The following ELMO1 variants were observed in gnomAD, a reference collection of about 807,000 sequenced individuals.
ELMO1 encodes the protein engulfment and cell motility 1.
In ELMO1, 26 loss-of-function variants were observed where a neutral mutation model predicts 98.9. That is an observed-to-expected ratio of 0.26 (90% CI 0.19 to 0.36). The LOEUF (loss-of-function observed/expected upper bound fraction) is 0.36, where lower values mean the gene tolerates loss of function less well. Among genes scored for constraint, ELMO1 ranks in the 10% least tolerant of loss-of-function variants. The pLI is 1.00. For synonymous variants in ELMO1, 346 were observed against 346.0 expected, an observed-to-expected ratio of 1.00 and a Z score of 0.00; for missense variants, 627 against 935.2, an observed-to-expected ratio of 0.67 and a Z score of 4.30.
intron 15 of ELMO1, among the ~76,000 whole-genome samples, chr7:37,015,733 AG>A (rs1793892140): frequency 1.3e-5 from 2 of 152,250 alleles, no homozygotes; most frequent in Non-Finnish European, 2.9e-5. Flanking sequence ...ACCGATATGG[AG>A]GGAAGTGGTG....
chr7:36,997,600 C>T (rs993408555), intron 16 of ELMO1, among the ~76,000 whole-genome samples: 45 of 152,224 alleles, frequency 3.0e-4, no homozygotes, highest in Admixed American at 1.1e-3. Flanking sequence ...GCAGCAGGAA[C>T]GGAGCCATGA....
chr7:37,153,217 T>C (rs754347958), intron 13 of ELMO1, among the ~76,000 whole-genome samples: 14 of 152,286 alleles, frequency 9.2e-5, no homozygotes, highest in East Asian at 1.9e-4. Context: ...CCCAGTGATA[T>C]TGACGCAGCA....
chr7:37,124,500 CAGAG>C (rs1162710474), intron 14 of ELMO1, among the ~76,000 whole-genome samples: 1 of 152,238 alleles, frequency 6.6e-6, no homozygotes, highest in African/African-American at 2.4e-5. Context: ...AACAGACAAA[CAGAG>C]AGCTAAATCA....
chr7:36,855,610 C>T lies in ELMO1; in HGVS notation c.2125G>A (p.Ala709Thr), dbSNP rs918674508. ...LDLENIQIPD[A>T]PPPIPKEPSN... ...GGCTCCTTGGGAATCGGCGGAGGTGCGTCAGGGATCTGGATGTTTTCCAGG... is the reference window on the plus strand; with the variant it reads ...GGCTCCTTGGGAATCGGCGGAGGTGTGTCAGGGATCTGGATGTTTTCCAGG... Residue 709 changes from alanine to threonine, a missense_variant, in exon 22 of 22, where the codon GCA (alanine) becomes ACA (threonine). This residue lies in a region of ELMO1 where 492 missense variants were observed against 715.6 expected (regional missense o/e 0.69). Transcript: ENST00000310758. The surrounding 1 kb of genome is among the most constrained non-coding windows in gnomAD (Gnocchi z 4.2). The T allele has an allele frequency of 6.2e-6, 10 of 1,613,964 alleles. No individual in the cohort carries two copies. Among genetic ancestry groups the T allele is most frequent in the African/African-American group, 5.3e-5 (4 of 74,896 alleles).
rs1237857639 is a variant in ELMO1, at chr7:36,866,473, GAC to G, written c.1905+3918_1905+3919del. On this transcript the variant is annotated intron_variant, in intron 20 of 21. Coordinates refer to ENST00000310758, the MANE Select transcript of ELMO1 (RefSeq NM_014800.11). ...GCACTCCCATGCTGACTGAGTGGAT[GAC>G]TGACTACATGAACAAATGCCTCTGC... is the stretch of plus-strand genomic sequence containing the variant. 2.6e-5 allele frequency among the ~76,000 whole-genome samples: 4 copies of G among 152,192 alleles called. No individual in the cohort carries two copies. The East Asian group carries it at 5.8e-4, about 22-fold the overall frequency.
In ELMO1 at chr7:37,140,640, C is replaced by T. The variant is rs184834395; in HGVS notation, c.1087-7406G>A. On this transcript the variant is annotated intron_variant, in intron 13 of 21. Coordinates refer to ENST00000310758, the MANE Select transcript of ELMO1 (RefSeq NM_014800.11). Reference sequence around the variant, plus strand: ...AATATTCACAATCTATACATCTGACCAAAAGACTAATATCCAGAATTTACA... The same window carrying T: ...AATATTCACAATCTATACATCTGACTAAAAGACTAATATCCAGAATTTACA... 2.2e-3 allele frequency among the ~76,000 whole-genome samples: 342 copies of T among 152,152 alleles called. 1 individual carries two copies. Among genetic ancestry groups the T allele is most frequent in the African/African-American group, 7.8e-3 (322 of 41,494 alleles).
At chr7:37,315,470 T>C (rs1425844998) in intron 3 of ELMO1, among the ~76,000 whole-genome samples, 2 of 152,204 alleles carry the variant, frequency 1.3e-5, no homozygotes, top group East Asian at 3.8e-4. Flanking sequence ...TTGTATTCTT[T>C]AGAGCAGCCA....
chr7:37,227,342 C>T (rs190260060), intron 8 of ELMO1, among the ~76,000 whole-genome samples: 18 of 152,252 alleles, frequency 1.2e-4, no homozygotes, highest in African/African-American at 4.3e-4. Flanking sequence ...TACAATATTT[C>T]CTTTCTTGAA....
At chr7:37,041,922 G>C (rs903091613) in intron 15 of ELMO1, among the ~76,000 whole-genome samples, 1 of 152,140 alleles carries the variant, frequency 6.6e-6, no homozygotes, top group Non-Finnish European at 1.5e-5. Context: ...AAAGTAGAGA[G>C]ATTCATCATT....
At chr7:37,168,130 T>C (rs1045362926) in intron 13 of ELMO1, among the ~76,000 whole-genome samples, 28 of 152,202 alleles carry the variant, frequency 1.8e-4, no homozygotes, top group African/African-American at 6.3e-4. Context: ...GTTGATCGCA[T>C]TGGCTCCTGA....
At chr7:37,385,057 G>A (rs1158303629) in intron 1 of ELMO1, among the ~76,000 whole-genome samples, 1 of 152,140 alleles carries the variant, frequency 6.6e-6, no homozygotes, top group Non-Finnish European at 1.5e-5. Context: ...TTAAAGCCTC[G>A]CTGTAATATT....
chr7:36,963,888 A>G (rs1451773124), intron 16 of ELMO1, among the ~76,000 whole-genome samples: 2 of 152,092 alleles, frequency 1.3e-5, no homozygotes, highest in Non-Finnish European at 2.9e-5. Context: ...GGTTACTTTA[A>G]CTCTTTCCCC....
chr7:37,238,855 C>T (rs1794610855), intron 7 of ELMO1, among the ~76,000 whole-genome samples: 1 of 152,136 alleles, frequency 6.6e-6, no homozygotes, highest in Non-Finnish European at 1.5e-5. Flanking sequence ...GATTGATTTT[C>T]AAATGTTAAA....
chr7:37,054,358 CACTA>C (rs1199275093), intron 15 of ELMO1, among the ~76,000 whole-genome samples: 7 of 152,140 alleles, frequency 4.6e-5, no homozygotes, highest in Admixed American at 1.3e-4. Flanking sequence ...CCTTAGCATA[CACTA>C]ACTAACAGCC....
intron 21 of ELMO1, among the ~76,000 whole-genome samples, chr7:36,856,678 G>A (rs1302545541): frequency 6.6e-6 from 1 of 152,162 alleles, no homozygotes; most frequent in Admixed American, 6.5e-5. Context: ...GTACTGACAT[G>A]GACAGAGAAC....
At chr7:37,207,607 C>A (rs1175137691) in intron 13 of ELMO1, among the ~76,000 whole-genome samples, 2 of 152,128 alleles carry the variant, frequency 1.3e-5, no homozygotes, top group Non-Finnish European at 2.9e-5. Flanking sequence ...AGGGGACCTA[C>A]AAAGGCCTGT....
rs144824981 is a variant in ELMO1 at position 37,244,306 on chromosome 7, G to A, written c.449+50C>T. On this transcript the variant is annotated intron_variant, in intron 7 of 21. Transcript: ENST00000310758. ...CAGATGACAGGGCTCAATTATGCAGGAAAGTAGGAAGGGTTAAATCATCAA... is the reference window on the plus strand; with the variant it reads ...CAGATGACAGGGCTCAATTATGCAGAAAAGTAGGAAGGGTTAAATCATCAA... 320 of 1,589,800 alleles carry A rather than the reference G, an allele frequency of 2.0e-4. 1 individual carries two copies. In the African/African-American group the frequency reaches 4.0e-3, roughly 20 times the overall value.
intron 5 of ELMO1, chr7:37,270,898 C>CACAG (rs143327684): frequency 0.1 from 15,007 of 144,766 alleles, 1,011 homozygotes; most frequent in Middle Eastern, 0.17. Context: ...CACACACACA[C>CACAG]ACACAGACAC....
At chr7:36,970,180 A>AAC (rs56928749) in intron 16 of ELMO1, among the ~76,000 whole-genome samples, 6,913 of 144,258 alleles carry the variant, frequency 0.048, 221 homozygotes, top group African/African-American at 0.077. Flanking sequence ...TCATACACTT[A>AAC]ACACACACAC....
Sources: gnomAD v4.1 joint callset for allele counts (sites outside exome capture counted in the v4.1 genomes callset) on GRCh38, gnomAD v4.1.1 for gene constraint, gnomAD v4.1.1 regional missense constraint, Gnocchi (gnomAD v3.1) non-coding constraint, MANE v1.5 for transcripts, NCBI Gene and HGNC (gene_info 2026-07-23, HGNC 2026-07-21) for gene names.